Variants in DZIP1 observed in about 807,000 individuals in gnomAD.
DZIP1 encodes cilium assembly protein DZIP1.
Under a neutral mutation model 107.6 loss-of-function variants are expected in DZIP1, and 97 were observed. That is an observed-to-expected ratio of 0.90 (90% CI 0.77 to 1.07). The LOEUF (loss-of-function observed/expected upper bound fraction) is 1.07, where lower values mean the gene tolerates loss of function less well. Among genes scored for constraint, DZIP1 ranks in the 50% least tolerant of loss-of-function variants. The probability of loss-of-function intolerance (pLI) is 0.00; values close to 1 mark genes in which losing one functional copy is unlikely to be tolerated. For missense variants in DZIP1, 1,035 were observed against 1,063.6 expected, an observed-to-expected ratio of 0.97 and a Z score of 0.37; for synonymous variants, 390 against 386.4, an observed-to-expected ratio of 1.01 and a Z score of -0.11.
intron 5 of DZIP1, chr13:95,637,145 C>T (rs763304500): frequency 5.3e-5 from 8 of 152,074 alleles, no homozygotes; most frequent in Non-Finnish European, 1.2e-4. Flanking sequence ...CACTCTTGGG[C>T]CTTCTGGGTA....
At chr13:95,584,669 T>A in intron 22 of DZIP1, 67 bp downstream of exon 22, 1 of 1,535,712 alleles carries the variant, frequency 6.5e-7, no homozygotes, top group Non-Finnish European at 8.7e-7. Flanking sequence ...AATTAGATAT[T>A]TATAAAGATG....
chr13:95,617,162 A>G (rs1324839640), intron 10 of DZIP1, among the ~76,000 whole-genome samples: 1 of 151,820 alleles, frequency 6.6e-6, no homozygotes, highest in Non-Finnish European at 1.5e-5. Flanking sequence ...AGATGGCATC[A>G]CTGCACTCCA....
intron 13 of DZIP1, among the ~76,000 whole-genome samples, chr13:95,607,209 G>C (rs539323412): frequency 1.3e-5 from 2 of 152,210 alleles, no homozygotes; most frequent in Middle Eastern, 3.4e-3. Flanking sequence ...ACCATGCTCA[G>C]CTAATTTTTG....
At chr13:95,606,608 A>G (rs1217623641) in intron 13 of DZIP1, among the ~76,000 whole-genome samples, 1 of 152,238 alleles carries the variant, frequency 6.6e-6, no homozygotes, top group Middle Eastern at 3.2e-3. Context: ...ATTCTGTGTT[A>G]TAAACTGACC....
At position 95,619,929 on chromosome 13, in the gene DZIP1, G is replaced by A. The variant is rs779176838; in HGVS notation, c.1129C>T (p.Arg377Ter). Reference sequence around the variant, plus strand: ...TGTTCTTGATGAATAGCTTGAACTCGAGCTGTCCATTTGCTTTCCTACAAA... The same window carrying A: ...TGTTCTTGATGAATAGCTTGAACTCAAGCTGTCCATTTGCTTTCCTACAAA... ...LDSQESKWTA[R>*]VQAIHQEHKK... is the part of the protein sequence containing the mutation. The change falls in exon 10 of 23, where the codon CGA becomes TGA. Residue 377 changes from arginine to a stop codon, truncating the protein, a stop_gained. Coordinates refer to ENST00000376829, the MANE Select transcript of DZIP1 (RefSeq NM_198968.4). LOFTEE classifies it high-confidence loss of function. 6.8e-6 allele frequency: 11 copies of A among 1,613,590 alleles called. No individual in the cohort carries two copies. Among genetic ancestry groups the A allele is most frequent in the Middle Eastern group, 1.6e-4 (1 of 6,080 alleles).
chr13:95,641,355 G>C lies in DZIP1; in HGVS notation c.537C>G (p.Arg179=), dbSNP rs1179240198. The C allele has an allele frequency of 1.9e-6, 3 of 1,613,532 alleles. No individual in the cohort carries two copies. The African/African-American group carries it at 4.0e-5, about 22-fold the overall frequency. ...EIKTLKEECK[R]RKKMISTQQL... ...GCTGGGTGGAGATCATCTTCTTCCG[G>C]CGTTTGCACTCTTCCTTGAGCGTCT... The change falls in exon 5 of 23, where the codon CGC becomes CGG. Residue 179 remains arginine, a synonymous_variant. Coordinates refer to ENST00000376829, the MANE Select transcript of DZIP1 (RefSeq NM_198968.4). The surrounding 1 kb of genome is among the most constrained non-coding windows in gnomAD (Gnocchi z 4.3).
chr13:95,619,751 A>G (rs1875583354), intron 10 of DZIP1, 134 bp downstream of exon 10: 2 of 778,982 alleles, frequency 2.6e-6, no homozygotes, highest in Non-Finnish European at 2.0e-6. Flanking sequence ...TGTTAGAATT[A>G]TAGGTAATTT....
chr13:95,595,936 T>G (rs2044443803), intron 15 of DZIP1, among the ~76,000 whole-genome samples: 1 of 152,148 alleles, frequency 6.6e-6, no homozygotes, highest in Admixed American at 6.5e-5. Flanking sequence ...GATGTGTCTG[T>G]GATCATCCTC....
rs765579979 is a variant in DZIP1 at position 95,602,473 on chromosome 13, G to A, written c.1478-3049C>T. Among the ~76,000 whole-genome samples, 18 of 152,274 alleles carry A rather than the reference G, an allele frequency of 1.2e-4. 1 individual carries two copies. The highest frequency in any genetic ancestry group is 7.7e-4 in the East Asian group (4 of 5,184). On this transcript the variant is annotated intron_variant, in intron 14 of 22. Coordinates refer to ENST00000376829, the MANE Select transcript of DZIP1 (RefSeq NM_198968.4). ...GTCTCCTTTATAAGCTGTAAGTTCC[G>A]TGGGGACAGGCTTCGTTTCTGATTC...
chr13:95,584,709 CT>C (rs1594637126), intron 22 of DZIP1, 26 bp downstream of exon 22: 2 of 1,587,364 alleles, frequency 1.3e-6, no homozygotes, highest in Non-Finnish European at 1.7e-6. Flanking sequence ...ATGGATCGAG[CT>C]TGTATTAGAG....
intron 10 of DZIP1, among the ~76,000 whole-genome samples, chr13:95,619,192 CT>C (rs1875508266): frequency 6.6e-6 from 1 of 152,166 alleles, no homozygotes; most frequent in South Asian, 2.1e-4. Context: ...TTGAAGAATA[CT>C]TTAAAACTTA....
chr13:95,598,647 T>C (rs1431187228), intron 15 of DZIP1, among the ~76,000 whole-genome samples: 1 of 152,124 alleles, frequency 6.6e-6, no homozygotes, highest in Non-Finnish European at 1.5e-5. Context: ...AAGTGATATA[T>C]GGTGAATTAT....
At chr13:95,596,584 T>A (rs2044463789) in intron 15 of DZIP1, among the ~76,000 whole-genome samples, 3 of 152,168 alleles carry the variant, frequency 2.0e-5, no homozygotes, top group South Asian at 4.1e-4. Context: ...TGCACTAAAC[T>A]ATGGACAGTA....
At chr13:95,624,585 A>G (rs1339238937) in intron 8 of DZIP1, among the ~76,000 whole-genome samples, 183 bp downstream of exon 8, 1 of 152,186 alleles carries the variant, frequency 6.6e-6, no homozygotes, top group African/African-American at 2.4e-5. Context: ...CAAAGCTCCC[A>G]TTCTCAGCAA....
chr13:95,624,985 T>C (rs1876360406), intron 7 of DZIP1, 56 bp from the exon 8 acceptor site: 1 of 1,449,282 alleles, frequency 6.9e-7, no homozygotes, highest in African/African-American at 1.4e-5. Flanking sequence ...AAATAAGCAA[T>C]ATTTAAAATA....
At chr13:95,629,903 G>C in intron 7 of DZIP1, 86 bp downstream of exon 7, 1 of 1,381,804 alleles carries the variant, frequency 7.2e-7, no homozygotes, top group Non-Finnish European at 9.6e-7. Flanking sequence ...AAACTCTTAA[G>C]TGTCCTCTGT....
At chr13:95,617,727 C>T (rs1043876914) in intron 10 of DZIP1, among the ~76,000 whole-genome samples, 1 of 152,038 alleles carries the variant, frequency 6.6e-6, no homozygotes, top group African/African-American at 2.4e-5. Flanking sequence ...GCTAGAATGG[C>T]GGCCAGCAGC....
Position 95,641,061 on chromosome 13 carries a change from A to G in DZIP1, c.597+234T>C, listed in dbSNP as rs1878430997. 6.6e-6 allele frequency among the ~76,000 whole-genome samples: 1 copy of G among 152,256 alleles called. No individual in the cohort carries two copies. Among genetic ancestry groups the G allele is most frequent in the Non-Finnish European group, 1.5e-5 (1 of 68,050 alleles). On this transcript the variant is annotated intron_variant, in intron 5 of 22. Coordinates refer to ENST00000376829, the MANE Select transcript of DZIP1 (RefSeq NM_198968.4). This position sits in a 1 kb window ranked among gnomAD's most constrained non-coding sequence, Gnocchi z 4.3. ...AACAACCAGCATTTAGATAACTTCC[A>G]TAAAGCACCACAGACGACATTTGTT...
intron 5 of DZIP1, among the ~76,000 whole-genome samples, chr13:95,636,475 G>A (rs1246588571): frequency 6.6e-6 from 1 of 151,042 alleles, no homozygotes; most frequent in African/African-American, 2.4e-5. Context: ...CCTGGGAGGT[G>A]GAGGTTGCAG....
Sources: allele counts gnomAD v4.1 joint callset (sites outside exome capture counted in the v4.1 genomes callset), GRCh38; gene constraint gnomAD v4.1.1; non-coding constraint Gnocchi (gnomAD v3.1); transcripts MANE v1.5; gene names NCBI Gene and HGNC (gene_info 2026-07-23, HGNC 2026-07-21).